KANSL1L: variants seen among roughly 807,000 people sequenced by gnomAD.
KANSL1L encodes KAT8 regulatory NSL complex subunit 1-like protein.
KANSL1L carries 25 observed loss-of-function variants against 108.6 expected under a neutral mutation model. That is an observed-to-expected ratio of 0.23 (90% confidence interval 0.17 to 0.32). The LOEUF is 0.32. Ranked by LOEUF, KANSL1L falls within the 10% of genes least tolerant of loss-of-function variation. KANSL1L has a pLI of 1.00. For synonymous variants in KANSL1L, 405 were observed against 395.1 expected, an observed-to-expected ratio of 1.03 and a Z score of -0.30; for missense variants, 1,137 against 1,125.7, an observed-to-expected ratio of 1.01 and a Z score of -0.14.
In KANSL1L at chr2:210,044,155, G is replaced by T. The variant is rs1193075327; in HGVS notation, c.1756-51C>A. The T allele has an allele frequency of 6.5e-6, 8 of 1,238,314 alleles. No individual in the cohort carries two copies. The highest frequency in any genetic ancestry group is 1.5e-5 in the African/African-American group (1 of 64,922). 76.7% of individuals were successfully genotyped at this position (1,238,314 alleles called of 1,614,324 possible). On this transcript the variant is annotated intron_variant, in intron 6 of 14. Transcript: ENST00000281772. The surrounding 1 kb of genome is among the most constrained non-coding windows in gnomAD (Gnocchi z 4.2). ...ATCACAGCCAAAGCATCCATAAATG[G>T]CATATCTCTACATTTATTTAGGTTA... is the stretch of plus-strand genomic sequence containing the variant.
Position 210,160,687 on chromosome 2 carries a change from T to TA in KANSL1L, c.-29-6077dup, listed in dbSNP as rs528938581. Among the ~76,000 whole-genome samples the TA allele has an allele frequency of 4.6e-5, 7 of 152,340 alleles. No individual in the cohort carries two copies. The South Asian group carries it at 1.4e-3, about 32-fold the overall frequency. On this transcript the variant is annotated intron_variant, in intron 1 of 14. Coordinates refer to ENST00000281772, the MANE Select transcript of KANSL1L (RefSeq NM_152519.4). ...TCAAGACCTAAATAGTGCATTACAC[T>TA]ATGTTCACAGATAAAACTATTCAAT...
chr2:210,086,752 T>A (rs1172702389), intron 5 of KANSL1L, among the ~76,000 whole-genome samples: 1 of 151,906 alleles, frequency 6.6e-6, no homozygotes, highest in Non-Finnish European at 1.5e-5. Context: ...TCCACAAAAA[T>A]TAGTATATAG....
chr2:210,061,320 A>T (rs967635578), intron 6 of KANSL1L, among the ~76,000 whole-genome samples: 1 of 152,146 alleles, frequency 6.6e-6, no homozygotes, highest in African/African-American at 2.4e-5. Flanking sequence ...CACCATTCCC[A>T]GTGGGAAAGA....
intron 6 of KANSL1L, chr2:210,064,036 AAGTCTTGCTG>A (rs767890097): frequency 2.0e-4 from 31 of 152,258 alleles, no homozygotes; most frequent in Admixed American, 1.4e-3. Flanking sequence ...TCACGGGGCC[AAGTCTTGCTG>A]TTCTTGTGAT....
chr2:210,024,654 T>G (rs887679115), intron 13 of KANSL1L, among the ~76,000 whole-genome samples: 3 of 152,140 alleles, frequency 2.0e-5, no homozygotes, highest in African/African-American at 4.8e-5. Context: ...CATTTGTGTT[T>G]CTAAAAGTAT....
chr2:210,154,376 G>A lies in KANSL1L; in HGVS notation c.207C>T (p.Gly69=), dbSNP rs2095321986. ...NTNFVNLKHF[G]SPQSSKHYQT... The stretch of plus-strand genomic sequence containing the variant: ...GGTAATGTTTTGAAGACTGAGGGGA[G>A]CCAAAATGTTTTAAATTCACAAAAT... Residue 69 remains glycine (G), a synonymous_variant, in exon 2 of 15, where the codon GGC becomes GGT. Coordinates refer to ENST00000281772, the MANE Select transcript of KANSL1L (RefSeq NM_152519.4). 1.2e-6 allele frequency: 2 copies of A among 1,610,188 alleles called. No homozygotes were observed. The highest frequency in any genetic ancestry group is 2.2e-5 in the East Asian group (1 of 44,838).
At chr2:210,084,848 G>A (rs1010202133) in intron 5 of KANSL1L, among the ~76,000 whole-genome samples, 1 of 152,070 alleles carries the variant, frequency 6.6e-6, no homozygotes, top group Non-Finnish European at 1.5e-5. Context: ...TTGACCTCAT[G>A]ATCCACCCGC....
intron 6 of KANSL1L, among the ~76,000 whole-genome samples, chr2:210,061,298 G>A (rs1270260650): frequency 6.6e-6 from 1 of 152,132 alleles, no homozygotes; most frequent in Non-Finnish European, 1.5e-5. Context: ...TTGGATGCCA[G>A]AGGCCTCTGT....
intron 2 of KANSL1L, among the ~76,000 whole-genome samples, chr2:210,132,632 A>G (rs1338813301): frequency 6.6e-6 from 1 of 152,254 alleles, no homozygotes; most frequent in African/African-American, 2.4e-5. Flanking sequence ...CTAACTGTCA[A>G]CATCACAAAC....
At position 210,101,555 on chromosome 2, in the gene KANSL1L, G is replaced by C. The variant is rs115375957; in HGVS notation, c.1428+2549C>G. ...ATTACTCTAGAATGTGAAACAACTA[G>C]GATCAAACCGAACAAGGGTTGATCC... On this transcript the variant is annotated intron_variant, in intron 4 of 14. Transcript: ENST00000281772. Among the ~76,000 whole-genome samples the C allele has an allele frequency of 4.2e-3, 646 of 152,202 alleles. 5 individuals are homozygous for C. Among genetic ancestry groups the C allele is most frequent in the African/African-American group, 0.015 (615 of 41,530 alleles).
Position 210,090,574 on chromosome 2 carries a change from G to A in KANSL1L, c.1550+7512C>T, listed in dbSNP as rs531180419. Among the ~76,000 whole-genome samples the A allele has an allele frequency of 1.1e-3, 173 of 152,222 alleles. 1 individual carries two copies. Among genetic ancestry groups the A allele is most frequent in the African/African-American group, 4.0e-3 (165 of 41,536 alleles). ...GGTTTTTGAGACAGGGTCTCACTCT[G>A]TCACCAAGGCTGGAGGGCAAGTGGC... On this transcript the variant is annotated intron_variant, in intron 5 of 14. Transcript: ENST00000281772.
rs935302494 is a variant in KANSL1L, at chr2:210,022,264, A to G, written c.*685T>C. 1.3e-5 allele frequency: 2 copies of G among 152,194 alleles called. No individual in the cohort carries two copies. Among genetic ancestry groups the G allele is most frequent in the African/African-American group, 2.4e-5 (1 of 41,434 alleles). 9.4% of individuals were successfully genotyped at this position (152,194 alleles called of 1,614,324 possible). A position where few individuals can be genotyped will look rare whatever the true frequency, so the allele number is the denominator to read the frequency against. On this transcript the variant is annotated 3_prime_UTR_variant, in exon 15 of 15. Coordinates refer to ENST00000281772, the MANE Select transcript of KANSL1L (RefSeq NM_152519.4). ...AAGGAGTTTTGTGTTGCCTGGATAT[A>G]TGAATTTCTGTAAATAACTTCTGTT...
rs1314739916 is a variant in KANSL1L at position 210,031,479 on chromosome 2, T to C, written c.2097A>G (p.Glu699=). The change falls in exon 9 of 15, where the codon GAA becomes GAG. Residue 699 remains glutamate (E), a synonymous_variant. Coordinates refer to ENST00000281772, the MANE Select transcript of KANSL1L (RefSeq NM_152519.4). ...SPICKPQIRS[E]SSAQLLQGRK... ...TTCCCTGTAACAGTTGTGCAGAAGATTCTGACCTTATTTGAGGCTTACATA... is the reference window on the plus strand; with the variant it reads ...TTCCCTGTAACAGTTGTGCAGAAGACTCTGACCTTATTTGAGGCTTACATA... The C allele has an allele frequency of 2.5e-6, 4 of 1,590,484 alleles. No individual in the cohort carries two copies. The highest frequency in any genetic ancestry group is 8.6e-7 in the Non-Finnish European group (1 of 1,159,854).
intron 6 of KANSL1L, among the ~76,000 whole-genome samples, chr2:210,059,720 G>A (rs1266680361): frequency 1.3e-5 from 2 of 151,924 alleles, no homozygotes; most frequent in Non-Finnish European, 2.9e-5. Flanking sequence ...CAGTAGGTGT[G>A]GCATGGAAGA....
In KANSL1L at chr2:210,022,910, C is replaced by T; in HGVS notation, c.*39G>A. On this transcript the variant is annotated 3_prime_UTR_variant, in exon 15 of 15. Transcript: ENST00000281772. ...AGAACAGGGCTTTATTTCCTCCCAT[C>T]TTTCCTACATTTACATAGTTTTCTT... 1 of 1,418,738 alleles carries T rather than the reference C, an allele frequency of 7.0e-7. No individual in the cohort carries two copies. The highest frequency in any genetic ancestry group is 9.9e-7 in the Non-Finnish European group (1 of 1,005,696). The allele number at this position is 1,418,738 out of a possible 1,614,324, so 87.9% of individuals were successfully genotyped here.
intron 1 of KANSL1L, among the ~76,000 whole-genome samples, chr2:210,157,117 A>G (rs1029666943): frequency 1.3e-5 from 2 of 152,202 alleles, no homozygotes; most frequent in South Asian, 4.1e-4. Context: ...GACCAACTCA[A>G]AGACCTATGT....
rs200978066 is a variant in KANSL1L, at chr2:210,030,534, A to AGTGT, written c.2156-617_2156-616insACAC. On this transcript the variant is annotated intron_variant, in intron 9 of 14. Transcript: ENST00000281772. The stretch of plus-strand genomic sequence containing the variant: ...TTTTTTCCTGTTTTGGTTCCCAGTT[A>AGTGT]CTGTGTGTGTGTGTGTGTGTAGTAA... 4.1e-3 allele frequency among the ~76,000 whole-genome samples: 531 copies of AGTGT among 128,694 alleles called. 1 individual carries two copies. The highest frequency in any genetic ancestry group is 7.4e-3 in the Admixed American group (94 of 12,666). 84.4% of individuals were successfully genotyped at this position (128,694 alleles called of 152,430 possible).
intron 1 of KANSL1L, among the ~76,000 whole-genome samples, chr2:210,158,586 C>T (rs2095345733): frequency 6.6e-6 from 1 of 151,920 alleles, no homozygotes; most frequent in African/African-American, 2.4e-5. Context: ...ATAATGAATA[C>T]ACTTGGATAT....
At chr2:210,084,111 A>C (rs2094613953) in intron 5 of KANSL1L, among the ~76,000 whole-genome samples, 1 of 152,108 alleles carries the variant, frequency 6.6e-6, no homozygotes, top group Non-Finnish European at 1.5e-5. Context: ...CATTCTTTAA[A>C]AATAAGATGT....
Sources: allele counts gnomAD v4.1 joint callset (sites outside exome capture counted in the v4.1 genomes callset), GRCh38; gene constraint gnomAD v4.1.1; non-coding constraint Gnocchi (gnomAD v3.1); transcripts MANE v1.5; gene names NCBI Gene and HGNC (gene_info 2026-07-23, HGNC 2026-07-21).